EBF2: variants seen among roughly 807,000 people sequenced by gnomAD.
EBF2 encodes the protein transcription factor COE2.
Under a neutral mutation model 72.8 loss-of-function variants are expected in EBF2, and 21 were observed. The observed-to-expected ratio is 0.29, with a 90% CI of 0.20 to 0.42. The LOEUF is 0.42. Ranked by LOEUF, EBF2 falls within the 10% of genes least tolerant of loss-of-function variation. The probability of loss-of-function intolerance (pLI) is 1.00; values close to 1 mark genes in which losing one functional copy is unlikely to be tolerated. For synonymous variants in EBF2, 299 were observed against 274.2 expected (o/e 1.09, Z -0.89); for missense variants, 637 against 731.2 (o/e 0.87, Z 1.49).
intron 10 of EBF2, among the ~76,000 whole-genome samples, chr8:25,863,400 G>A (rs1802246363): frequency 6.6e-6 from 1 of 151,894 alleles, no homozygotes; most frequent in African/African-American, 2.4e-5. Context: ...GTTAAGACAG[G>A]GCCTGGCACA....
rs1176695970 is a variant in EBF2, at chr8:26,042,175, C to T, written c.208G>A (p.Val70Ile). The part of the protein sequence containing the change: ...NLRKSNFFHF[V>I]LALYDRQGQP... ...CCCTGCCTGTCATAGAGCGCCAGGA[C>T]GAAGTGAAAGAAGTTGGATTTCCTC... Residue 70 changes from valine (V) to isoleucine (I), a missense_variant, in exon 2 of 16, where the codon GTC becomes ATC. Physicochemically the swap from Val to Ile is conservative, Grantham distance 29 (BLOSUM62 3). Transcript: ENST00000520164. 3.7e-6 allele frequency: 6 copies of T among 1,613,992 alleles called. No homozygotes were observed. Among genetic ancestry groups the T allele is most frequent in the Admixed American group, 3.3e-5 (2 of 59,994 alleles).
chr8:25,973,095 G>T (rs1207359823), intron 6 of EBF2, among the ~76,000 whole-genome samples: 1 of 151,974 alleles, frequency 6.6e-6, no homozygotes, highest in African/African-American at 2.4e-5. Context: ...TACCCAGGAG[G>T]CCTGCAGTTT....
intron 6 of EBF2, among the ~76,000 whole-genome samples, chr8:26,022,369 A>C (rs1393773371): frequency 6.6e-6 from 1 of 152,232 alleles, no homozygotes; most frequent in Non-Finnish European, 1.5e-5. Context: ...TGTCCTGTAC[A>C]ATTGTGCATA....
At chr8:25,894,652 A>G (rs1802838015) in intron 7 of EBF2, among the ~76,000 whole-genome samples, 1 of 152,230 alleles carries the variant, frequency 6.6e-6, no homozygotes, top group East Asian at 1.9e-4. Flanking sequence ...GTTAGACTCC[A>G]AAACACTACA....
At position 26,042,270 on chromosome 8, in the gene EBF2, G is replaced by A. The variant is rs1232207278; in HGVS notation, c.132-19C>T. The A allele has an allele frequency of 1.2e-6, 2 of 1,605,490 alleles. No homozygotes were observed. Among genetic ancestry groups the A allele is most frequent in the Non-Finnish European group, 1.7e-6 (2 of 1,175,456 alleles). On this transcript the variant is annotated intron_variant, in intron 1 of 15. Coordinates refer to ENST00000520164, the MANE Select transcript of EBF2 (RefSeq NM_022659.4). ...GACCCCGCTGCACAGGGAGAAAAAC[G>A]GGGGAACACAAGACACGGGGAAGCA... is the stretch of plus-strand genomic sequence containing the variant.
At chr8:25,885,596 G>T (rs185083297) in intron 10 of EBF2, among the ~76,000 whole-genome samples, 158 of 152,222 alleles carry the variant, frequency 1.0e-3, no homozygotes, top group Admixed American at 2.0e-3. Context: ...TTGTGGGAGG[G>T]ACCTGGTGGG....
At chr8:25,969,658 C>T (rs1249639057) in intron 6 of EBF2, among the ~76,000 whole-genome samples, 2 of 152,194 alleles carry the variant, frequency 1.3e-5, no homozygotes, top group East Asian at 3.9e-4. Flanking sequence ...TTGGAATTTC[C>T]TTCTCACTCA....
chr8:26,033,444 G>T (rs1027610229), intron 5 of EBF2, among the ~76,000 whole-genome samples: 5 of 152,202 alleles, frequency 3.3e-5, no homozygotes, highest in African/African-American at 4.8e-5. Context: ...TGGCCAGGCT[G>T]GTCTTGAACT....
intron 5 of EBF2, among the ~76,000 whole-genome samples, chr8:26,033,960 G>A (rs1015760014): frequency 3.3e-5 from 5 of 152,070 alleles, no homozygotes; most frequent in African/African-American, 4.8e-5. Flanking sequence ...ATTTGTAATC[G>A]GAACCACGGA....
At chr8:25,970,661 G>T (rs1804176701) in intron 6 of EBF2, among the ~76,000 whole-genome samples, 1 of 152,166 alleles carries the variant, frequency 6.6e-6, no homozygotes, top group African/African-American at 2.4e-5. Context: ...GATGCAGCCT[G>T]CAGAAATGAG....
chr8:25,963,895 G>C (rs970947482), intron 6 of EBF2, among the ~76,000 whole-genome samples: 4 of 151,986 alleles, frequency 2.6e-5, no homozygotes, highest in African/African-American at 9.7e-5. Flanking sequence ...CCTTCTAATG[G>C]GGCTCTAGTT....
chr8:26,008,909 A>T (rs962668380), intron 6 of EBF2, among the ~76,000 whole-genome samples: 1 of 151,782 alleles, frequency 6.6e-6, no homozygotes, highest in African/African-American at 2.4e-5. Context: ...ATGTGTGTGT[A>T]AAATTGTAGG....
chr8:25,866,190 T>C (rs893554632), intron 10 of EBF2, among the ~76,000 whole-genome samples: 6 of 152,032 alleles, frequency 3.9e-5, no homozygotes, highest in Admixed American at 2.6e-4. Context: ...TTTAGTTCTC[T>C]TAATCCTATT....
Position 25,844,656 on chromosome 8 carries a change from G to A in EBF2, c.1697-16C>T, listed in dbSNP as rs1247737748. Reference sequence around the variant, plus strand: ...CCGGTCATGGCTGCAAGGAAAGAGTGGCACAGGAATGAGACTTGGGGACTT... The same window carrying A: ...CCGGTCATGGCTGCAAGGAAAGAGTAGCACAGGAATGAGACTTGGGGACTT... On this transcript the variant is annotated splice_polypyrimidine_tract_variant and intron_variant, in intron 15 of 15. Coordinates refer to ENST00000520164, the MANE Select transcript of EBF2 (RefSeq NM_022659.4). 1.2e-6 allele frequency: 2 copies of A among 1,613,962 alleles called. No homozygotes were observed. The highest frequency in any genetic ancestry group is 2.7e-5 in the African/African-American group (2 of 75,030).
Position 26,005,735 on chromosome 8 carries a change from G to T in EBF2, c.551+27350C>A, listed in dbSNP as rs568212419. The stretch of plus-strand genomic sequence containing the variant: ...AGTCCCAGCTGTTTGGGAGGCTGAG[G>T]TAGGAAGATCACTTGAGCCTGGGAG... On this transcript the variant is annotated intron_variant, in intron 6 of 15. Transcript: ENST00000520164. 6.8e-4 allele frequency among the ~76,000 whole-genome samples: 101 copies of T among 148,470 alleles called. 2 individuals carry two copies. In the Admixed American group the frequency reaches 7.0e-3, roughly 10 times the overall value.
chr8:26,027,886 T>C (rs1380288575), intron 6 of EBF2, among the ~76,000 whole-genome samples: 1 of 152,132 alleles, frequency 6.6e-6, no homozygotes, highest in African/African-American at 2.4e-5. Flanking sequence ...CTGGTTCCAT[T>C]TACGTGAGGT....
chr8:25,877,583 C>T (rs1464642850), intron 10 of EBF2, among the ~76,000 whole-genome samples: 1 of 152,116 alleles, frequency 6.6e-6, no homozygotes, highest in Non-Finnish European at 1.5e-5. Context: ...GCTAATTAAC[C>T]AGGTACACCT....
intron 6 of EBF2, among the ~76,000 whole-genome samples, chr8:26,005,304 AT>A (rs376737798): frequency 0.16 from 35 of 224 alleles, no homozygotes; most frequent in East Asian, 0.38. Context: ...ATTATATATA[AT>A]TATATATTAT....
At chr8:25,930,996 G>T (rs193179684) in intron 6 of EBF2, among the ~76,000 whole-genome samples, 1 of 152,240 alleles carries the variant, frequency 6.6e-6, no homozygotes, top group Non-Finnish European at 1.5e-5. Context: ...ATGACTTGAA[G>T]TTGAACAGAG....
Sources: allele counts gnomAD v4.1 joint callset (sites outside exome capture counted in the v4.1 genomes callset), GRCh38; gene constraint gnomAD v4.1.1; transcripts MANE v1.5; gene names NCBI Gene and HGNC (gene_info 2026-07-23, HGNC 2026-07-21).